Variants in PPP6R1 observed in about 807,000 individuals in gnomAD.
PPP6R1 encodes protein phosphatase 6 regulatory subunit 1.
PPP6R1 carries 39 observed loss-of-function variants against 104.6 expected under a neutral mutation model. The observed-to-expected ratio is 0.37, with a 90% CI of 0.29 to 0.49. PPP6R1 has a LOEUF of 0.49. Ranked by LOEUF, PPP6R1 falls within the 20% of genes least tolerant of loss-of-function variation. The pLI is 0.98. For missense variants in PPP6R1, 1,181 were observed against 1,155.8 expected (o/e 1.02, Z -0.32); for synonymous variants, 549 against 479.0 (o/e 1.15, Z -1.91).
At position 55,236,672 on chromosome 19, in the gene PPP6R1, C is replaced by T. The variant is rs755876470; in HGVS notation, c.1959G>A (p.Gly653=). 1.5e-4 allele frequency: 244 copies of T among 1,591,698 alleles called. No individual in the cohort carries two copies. The highest frequency in any genetic ancestry group is 1.8e-4 in the Admixed American group (10 of 56,184). Residue 653 remains glycine, a synonymous_variant, in exon 17 of 24, where the codon GGG becomes GGA. Transcript: ENST00000412770. ...GAWQGSQLAR[G]ARLGQPPGVR... ...CACCAGGTGGCTGGCCCAGACGGGC[C>T]CCCCTGGCCAGCTGGCTGCCCTGCC...
intron 21 of PPP6R1, 86 bp from the exon 22 acceptor site, chr19:55,230,970 C>T (rs776524023): frequency 2.5e-6 from 3 of 1,179,872 alleles, no homozygotes; most frequent in South Asian, 1.3e-5. Context: ...CTGAAGTCGG[C>T]TCACTGGGTG....
At chr19:55,239,039 A>C (rs1173303968) in intron 15 of PPP6R1, 1 of 254,436 alleles carries the variant, frequency 3.9e-6, no homozygotes, top group Non-Finnish European at 7.7e-6. Context: ...TCTGCCCCAC[A>C]GTCCCTGCGC....
chr19:55,236,621 G>C (rs918541196), intron 17 of PPP6R1, 22 bp downstream of exon 17: 1 of 1,505,038 alleles, frequency 6.6e-7, no homozygotes, highest in East Asian at 2.3e-5. Context: ...GCTTGGAGAA[G>C]GGAAACTGGA....
At position 55,236,704 on chromosome 19, in the gene PPP6R1, C is replaced by T. The variant is rs761175201; in HGVS notation, c.1927G>A (p.Gly643Ser). ...GCCAGCTGGCTGCCCTGCCAGGCGCCATCTTCTCCATCAGACTCCCCTGAG... is the reference window on the plus strand; with the variant it reads ...GCCAGCTGGCTGCCCTGCCAGGCGCTATCTTCTCCATCAGACTCCCCTGAG... The part of the protein sequence containing the change: ...QGSGESDGED[G>S]AWQGSQLARG... Residue 643 changes from glycine (G) to serine (S), a missense_variant, in exon 17 of 24, where the codon GGC becomes AGC. Coordinates refer to ENST00000412770, the MANE Select transcript of PPP6R1 (RefSeq NM_014931.4). 1.9e-6 allele frequency: 3 copies of T among 1,612,430 alleles called. No homozygotes were observed. In the Middle Eastern group the frequency reaches 5.0e-4, roughly 268 times the overall value.
chr19:55,235,891 T>G (rs2087394566), intron 17 of PPP6R1, among the ~76,000 whole-genome samples: 1 of 143,360 alleles, frequency 7.0e-6, no homozygotes, highest in African/African-American at 2.6e-5. Flanking sequence ...CAGACTGGAG[T>G]GCAGTGGTGC....
intron 2 of PPP6R1, among the ~76,000 whole-genome samples, 184 bp downstream of exon 2, chr19:55,246,693 T>C (rs960896262): frequency 6.6e-6 from 1 of 152,190 alleles, no homozygotes; most frequent in Non-Finnish European, 1.5e-5. Context: ...GAGCACAGGC[T>C]TGGTCTGCAC....
In PPP6R1 at chr19:55,245,487, G is replaced by T; in HGVS notation, c.414+5C>A. 6.2e-7 allele frequency: 1 copy of T among 1,609,684 alleles called. No individual in the cohort carries two copies. Among genetic ancestry groups the T allele is most frequent in the Non-Finnish European group, 8.5e-7 (1 of 1,178,012 alleles). On this transcript the variant is annotated splice_donor_5th_base_variant and intron_variant, in intron 3 of 23. Coordinates refer to ENST00000412770, the MANE Select transcript of PPP6R1 (RefSeq NM_014931.4). This position sits in a 1 kb window ranked among gnomAD's most constrained non-coding sequence, Gnocchi z 6.4. Reference sequence around the variant, plus strand: ...ACGGTGGCGCCAGGGTGGGGGCCAGGGCACCTGGTCTGTCTTGCGGTTGAT... The same window carrying T: ...ACGGTGGCGCCAGGGTGGGGGCCAGTGCACCTGGTCTGTCTTGCGGTTGAT...
Position 55,231,931 on chromosome 19 carries a change from C to A in PPP6R1, c.2177G>T (p.Ser726Ile). 1.9e-6 allele frequency: 3 copies of A among 1,570,024 alleles called. No homozygotes were observed. Among genetic ancestry groups the A allele is most frequent in the Non-Finnish European group, 2.6e-6 (3 of 1,154,666 alleles). Residue 726 changes from serine (S) to isoleucine (I), a missense_variant, in exon 19 of 24, where the codon AGC becomes ATC. Physicochemically the swap from Ser to Ile is moderately radical, Grantham distance 142 (BLOSUM62 -2). Transcript: ENST00000412770. ...FDPVPTDAPT[S>I]PRVSGEEELH... ...CTCTTCCTCCCCGGAGACTCGGGGGCTGGTCGGGGCATCTGTAGGCACTGG... is the reference window on the plus strand; with the variant it reads ...CTCTTCCTCCCCGGAGACTCGGGGGATGGTCGGGGCATCTGTAGGCACTGG...
At chr19:55,242,861 A>G (rs2087471145) in intron 5 of PPP6R1, among the ~76,000 whole-genome samples, 1 of 152,246 alleles carries the variant, frequency 6.6e-6, no homozygotes, top group Non-Finnish European at 1.5e-5. Flanking sequence ...GATACATGCA[A>G]CCACATGAAT....
chr19:55,249,103 C>T (rs997199527), intron 1 of PPP6R1, among the ~76,000 whole-genome samples: 4 of 152,220 alleles, frequency 2.6e-5, no homozygotes, highest in Non-Finnish European at 5.9e-5. Context: ...TGACCAACGA[C>T]AGTCATGGCG....
chr19:55,245,532 C>T lies in PPP6R1; in HGVS notation c.374G>A (p.Ser125Asn). The T allele has an allele frequency of 6.2e-7, 1 of 1,610,568 alleles. No homozygotes were observed. The highest frequency in any genetic ancestry group is 8.5e-7 in the Non-Finnish European group (1 of 1,178,510). The change falls in exon 3 of 24, where the codon AGC (serine) becomes AAC (asparagine). Residue 125 changes from serine to asparagine, a missense_variant. Ser to Asn is a conservative substitution (Grantham distance 46). Transcript: ENST00000412770. The surrounding 1 kb of genome is among the most constrained non-coding windows in gnomAD (Gnocchi z 6.4). ...SLNPLLASFFSKVMGILINRK... is the reference protein window; with the variant it reads ...SLNPLLASFFNKVMGILINRK... Reference sequence around the variant, plus strand: ...GTTGATGAGGATGCCCATGACCTTGCTGAAGAAGCTGGCCAGCAGTGGGTT... The same window carrying T: ...GTTGATGAGGATGCCCATGACCTTGTTGAAGAAGCTGGCCAGCAGTGGGTT...
intron 1 of PPP6R1, among the ~76,000 whole-genome samples, chr19:55,248,289 G>A (rs576874073): frequency 6.6e-6 from 1 of 152,162 alleles, no homozygotes; most frequent in Admixed American, 6.5e-5. Context: ...CCGCCACACA[G>A]GACAAGGGGC....
intron 1 of PPP6R1, among the ~76,000 whole-genome samples, chr19:55,250,713 C>T (rs2087546255): frequency 6.6e-6 from 1 of 152,164 alleles, no homozygotes; most frequent in Non-Finnish European, 1.5e-5. Flanking sequence ...TCCAACCCAG[C>T]ACCACCAGAA....
downstream of PPP6R1, chr19:55,229,350 C>T: frequency 6.4e-6 from 1 of 155,276 alleles, no homozygotes; most frequent in Admixed American, 6.3e-5. Flanking sequence ...ACTGCCACCC[C>T]AGTGAGGACG....
chr19:55,231,937 G>C lies in PPP6R1; in HGVS notation c.2171C>G (p.Pro724Arg), dbSNP rs373792893. ...ATFDPVPTDAPTSPRVSGEEE... is the reference protein window; with the variant it reads ...ATFDPVPTDARTSPRVSGEEE... The stretch of plus-strand genomic sequence containing the variant: ...CTCCCCGGAGACTCGGGGGCTGGTC[G>C]GGGCATCTGTAGGCACTGGGTCAAA... Residue 724 changes from proline to arginine, a missense_variant, in exon 19 of 24, where the codon CCG (proline) becomes CGG (arginine). By Grantham distance (103) the Pro-to-Arg change is moderately radical. This residue lies in a region of PPP6R1 where 1,042 missense variants were observed against 955.6 expected (regional missense o/e 1.09). Transcript: ENST00000412770. The C allele has an allele frequency of 5.7e-6, 9 of 1,576,496 alleles. No individual in the cohort carries two copies. The highest frequency in any genetic ancestry group is 7.8e-6 in the Non-Finnish European group (9 of 1,157,678).
chr19:55,239,694 G>C lies in PPP6R1; in HGVS notation c.1564-11C>G. 6.2e-7 allele frequency: 1 copy of C among 1,607,218 alleles called. No individual in the cohort carries two copies. The highest frequency in any genetic ancestry group is 8.5e-7 in the Non-Finnish European group (1 of 1,176,036). ...GTGGTGGGTGTTCACCTGGGGAGAG[G>C]AGGGGGCGTCAGGGCCTGCTGGAGC... On this transcript the variant is annotated splice_polypyrimidine_tract_variant and intron_variant, in intron 13 of 23. Transcript: ENST00000412770.
At chr19:55,255,552 T>A (rs1359102114) in intron 1 of PPP6R1, 1 of 152,016 alleles carries the variant, frequency 6.6e-6, no homozygotes, top group Non-Finnish European at 1.5e-5. Context: ...ACAAAACTGG[T>A]GTGCAAAGGG....
In PPP6R1 at chr19:55,245,202, G is replaced by A. The variant is rs200798929; in HGVS notation, c.553-17C>T. 1.6e-5 allele frequency: 26 copies of A among 1,611,208 alleles called. No homozygotes were observed. The highest frequency in any genetic ancestry group is 3.3e-5 in the Admixed American group (2 of 59,718). On this transcript the variant is annotated splice_polypyrimidine_tract_variant and intron_variant, in intron 4 of 23. Coordinates refer to ENST00000412770, the MANE Select transcript of PPP6R1 (RefSeq NM_014931.4). This position sits in a 1 kb window ranked among gnomAD's most constrained non-coding sequence, Gnocchi z 6.4. Reference sequence around the variant, plus strand: ...GTTGAGCCACTGAGGGTGAGAAGGCGAGGGATGCATCGCTGTCCACCACGC... The same window carrying A: ...GTTGAGCCACTGAGGGTGAGAAGGCAAGGGATGCATCGCTGTCCACCACGC...
chr19:55,241,510 G>A lies in PPP6R1; in HGVS notation c.975C>T (p.Ser325=), dbSNP rs747397438. ...GALHALRPRL[S]CFHQLLLEPP... is the part of the protein sequence containing the mutation. Reference sequence around the variant, plus strand: ...GCTCCAGCAGGAGCTGGTGGAAGCAGCTGAGCCGCGGGCGTAGGGCGTGCA... The same window carrying A: ...GCTCCAGCAGGAGCTGGTGGAAGCAACTGAGCCGCGGGCGTAGGGCGTGCA... The change falls in exon 8 of 24, where the codon AGC becomes AGT. Residue 325 remains serine, a synonymous_variant. Transcript: ENST00000412770. The surrounding 1 kb of genome is among the most constrained non-coding windows in gnomAD (Gnocchi z 5.4). 3.8e-6 allele frequency: 6 copies of A among 1,593,322 alleles called. No homozygotes were observed. The highest frequency in any genetic ancestry group is 5.1e-6 in the Non-Finnish European group (6 of 1,170,632).
Sources: gnomAD v4.1 joint callset for allele counts (sites outside exome capture counted in the v4.1 genomes callset) on GRCh38, gnomAD v4.1.1 for gene constraint, gnomAD v4.1.1 regional missense constraint, Gnocchi (gnomAD v3.1) non-coding constraint, MANE v1.5 for transcripts, NCBI Gene and HGNC (gene_info 2026-07-23, HGNC 2026-07-21) for gene names.